Variants in FGF9 observed in about 807,000 individuals in gnomAD.
The protein encoded by FGF9 is fibroblast growth factor 9, also known as fibroblast growth factor 9 (glia-activating factor).
In FGF9, 3 loss-of-function variants were observed where a neutral mutation model predicts 19.9. That is an observed-to-expected ratio of 0.15 (90% CI 0.07 to 0.39). The LOEUF is 0.39. FGF9 is among the 10% of genes least tolerant of loss of function. FGF9 has a pLI of 1.00. For synonymous variants in FGF9, 107 were observed against 106.9 expected (o/e 1.00, Z -0.01); for missense variants, 175 against 256.8 (o/e 0.68, Z 2.18).
intron 1 of FGF9, among the ~76,000 whole-genome samples, chr13:21,679,569 A>C (rs552931736): frequency 5.3e-4 from 80 of 152,236 alleles, no homozygotes; most frequent in African/African-American, 1.8e-3. Context: ...TTTGATATGC[A>C]TTAATGTAAG....
At position 21,672,207 on chromosome 13, in the gene FGF9, C is replaced by A; in HGVS notation, c.277+18C>A. 1.2e-6 allele frequency: 2 copies of A among 1,613,780 alleles called. No homozygotes were observed. The highest frequency in any genetic ancestry group is 8.5e-7 in the Non-Finnish European group (1 of 1,179,760). On this transcript the variant is annotated intron_variant, in intron 1 of 2. Coordinates refer to ENST00000382353, the MANE Select transcript of FGF9 (RefSeq NM_002010.3). This position sits in a 1 kb window ranked among gnomAD's most constrained non-coding sequence, Gnocchi z 4.2. ...CCGATTTGGTAGGTATACCATTAACCCTTTAGTGTCCATGAGATGACATGT... is the reference window on the plus strand; with the variant it reads ...CCGATTTGGTAGGTATACCATTAACACTTTAGTGTCCATGAGATGACATGT...
intron 2 of FGF9, among the ~76,000 whole-genome samples, chr13:21,699,736 G>A (rs565439100): frequency 6.6e-6 from 1 of 152,318 alleles, no homozygotes; most frequent in East Asian, 1.9e-4. Context: ...AAAGTTTACT[G>A]TCTGTCCCCT....
intron 2 of FGF9, among the ~76,000 whole-genome samples, chr13:21,684,786 A>G (rs1257510487): frequency 6.6e-6 from 1 of 152,208 alleles, no homozygotes; most frequent in Non-Finnish European, 1.5e-5. Context: ...TGAATTTCTC[A>G]GCCTTCTTTC....
At chr13:21,697,027 C>T (rs551018055) in intron 2 of FGF9, among the ~76,000 whole-genome samples, 1 of 152,298 alleles carries the variant, frequency 6.6e-6, no homozygotes, top group South Asian at 2.1e-4. Flanking sequence ...GGTGATTTTG[C>T]AATGTCATGT....
In FGF9 at chr13:21,671,981, C is replaced by T; in HGVS notation, c.69C>T (p.Pro23=). ...ATGCGGTACCGTTTGGGAATGTGCC[C>T]GTGTTGCCGGTGGACAGCCCGGTTT... is the stretch of plus-strand genomic sequence containing the variant. ...VQDAVPFGNV[P]VLPVDSPVLL... Residue 23 remains proline, a synonymous_variant, in exon 1 of 3, where the codon CCC becomes CCT. Coordinates refer to ENST00000382353, the MANE Select transcript of FGF9 (RefSeq NM_002010.3). The T allele has an allele frequency of 6.2e-7, 1 of 1,614,138 alleles. No individual in the cohort carries two copies. The highest frequency in any genetic ancestry group is 8.5e-7 in the Non-Finnish European group (1 of 1,180,030).
chr13:21,672,231 G>A lies in FGF9; in HGVS notation c.277+42G>A. Reference sequence around the variant, plus strand: ...CCCTTTAGTGTCCATGAGATGACATGTTGAAATTATAACTACCAAGAAGGT... The same window carrying A: ...CCCTTTAGTGTCCATGAGATGACATATTGAAATTATAACTACCAAGAAGGT... On this transcript the variant is annotated intron_variant, in intron 1 of 2. Coordinates refer to ENST00000382353, the MANE Select transcript of FGF9 (RefSeq NM_002010.3). This position sits in a 1 kb window ranked among gnomAD's most constrained non-coding sequence, Gnocchi z 4.2. The A allele has an allele frequency of 6.2e-7, 1 of 1,611,728 alleles. No homozygotes were observed. The highest frequency in any genetic ancestry group is 8.5e-7 in the Non-Finnish European group (1 of 1,178,154).
intron 2 of FGF9, among the ~76,000 whole-genome samples, chr13:21,683,551 CA>C (rs1872090809): frequency 6.6e-6 from 1 of 152,200 alleles, no homozygotes; most frequent in Non-Finnish European, 1.5e-5. Flanking sequence ...TCACCACTGC[CA>C]TACAGCTGCA....
rs544069232 is a variant in FGF9, at chr13:21,702,994, G to A, written c.*1559G>A. 5 of 152,160 alleles carry A rather than the reference G, an allele frequency of 3.3e-5. No homozygotes were observed. Among genetic ancestry groups the A allele is most frequent in the Admixed American group, 6.5e-5 (1 of 15,276 alleles). The allele number at this position is 152,160 out of a possible 1,614,324, so 9.4% of individuals were successfully genotyped here. On this transcript the variant is annotated 3_prime_UTR_variant, in exon 3 of 3. Transcript: ENST00000382353. ...TTTATGCTGAAAAGCATAAGAATAC[G>A]TATTTCTTTAGTAGCAATAATTTTG...
intron 2 of FGF9, among the ~76,000 whole-genome samples, chr13:21,690,712 C>T (rs977030162): frequency 6.6e-6 from 1 of 152,218 alleles, no homozygotes; most frequent in Non-Finnish European, 1.5e-5. Flanking sequence ...CATCCATGCA[C>T]ACGCTCCCAG....
chr13:21,700,753 A>G (rs927735218), intron 2 of FGF9, among the ~76,000 whole-genome samples: 2 of 152,214 alleles, frequency 1.3e-5, no homozygotes, highest in African/African-American at 4.8e-5. Flanking sequence ...TGTTCCTTGC[A>G]TTTGACTCAT....
intron 2 of FGF9, among the ~76,000 whole-genome samples, chr13:21,682,775 G>A (rs551207464): frequency 2.7e-4 from 36 of 132,618 alleles, no homozygotes; most frequent in South Asian, 2.2e-3. Context: ...TGCTTTTTTT[G>A]TGTGTGTAGA....
chr13:21,675,010 G>T (rs1871875469), intron 1 of FGF9, among the ~76,000 whole-genome samples: 1 of 146,212 alleles, frequency 6.8e-6, no homozygotes, highest in African/African-American at 2.5e-5. Context: ...TGTTGCGGGG[G>T]ATGTGGGGGC....
At chr13:21,681,784 A>G (rs2138134440) in intron 2 of FGF9, among the ~76,000 whole-genome samples, 1 of 152,330 alleles carries the variant, frequency 6.6e-6, no homozygotes, top group South Asian at 2.1e-4. Context: ...TGTGAATGAG[A>G]CAAAGTCTAC....
intron 2 of FGF9, among the ~76,000 whole-genome samples, chr13:21,697,147 G>C (rs111482174): frequency 1.3e-5 from 2 of 152,096 alleles, no homozygotes; most frequent in East Asian, 3.9e-4. Flanking sequence ...AGATTATACT[G>C]TTTTTCTTTT....
At chr13:21,683,219 A>G (rs189305211) in intron 2 of FGF9, among the ~76,000 whole-genome samples, 240 of 152,318 alleles carry the variant, frequency 1.6e-3, no homozygotes, top group African/African-American at 5.6e-3. Flanking sequence ...GTGTTCAGCA[A>G]AGCTGCTGGT....
intron 1 of FGF9, among the ~76,000 whole-genome samples, chr13:21,677,694 C>T (rs1215941427): frequency 6.6e-6 from 1 of 152,198 alleles, no homozygotes; most frequent in Non-Finnish European, 1.5e-5. Context: ...ATGACTGTGA[C>T]TCCTACGTTC....
chr13:21,692,726 G>C (rs1187527006), intron 2 of FGF9, among the ~76,000 whole-genome samples: 1 of 152,212 alleles, frequency 6.6e-6, no homozygotes, highest in Non-Finnish European at 1.5e-5. Context: ...TCACACGAGA[G>C]ACGCACTGAC....
chr13:21,692,493 G>T (rs1271998463), intron 2 of FGF9, among the ~76,000 whole-genome samples: 1 of 152,170 alleles, frequency 6.6e-6, no homozygotes, highest in African/African-American at 2.4e-5. Context: ...CACAGGCCCC[G>T]GGATCGCCAC....
At chr13:21,688,448 C>G (rs192292351) in intron 2 of FGF9, among the ~76,000 whole-genome samples, 20 of 152,234 alleles carry the variant, frequency 1.3e-4, no homozygotes, top group African/African-American at 4.6e-4. Flanking sequence ...AATTCTTAGA[C>G]GATATGGAGG....
Sources: gnomAD v4.1 joint callset for allele counts (sites outside exome capture counted in the v4.1 genomes callset) on GRCh38, gnomAD v4.1.1 for gene constraint, Gnocchi (gnomAD v3.1) non-coding constraint, MANE v1.5 for transcripts, NCBI Gene and HGNC (gene_info 2026-07-23, HGNC 2026-07-21) for gene names.